Variants in KLF8 observed in about 807,000 individuals in gnomAD.
KLF8 encodes Krueppel-like factor 8.
In KLF8, 10 loss-of-function variants were observed where a neutral mutation model predicts 18.2. The ratio of observed to expected loss-of-function variants is 0.55; its 90% CI spans 0.34 to 0.93. The LOEUF is 0.93. Among genes scored for constraint, KLF8 ranks in the 40% least tolerant of loss-of-function variants. The pLI, the probability that KLF8 is intolerant of heterozygous loss-of-function variation, is 0.02. For synonymous variants in KLF8, 109 were observed against 97.3 expected, an observed-to-expected ratio of 1.12 and a Z score of -0.71; for missense variants, 264 against 277.9, an observed-to-expected ratio of 0.95 and a Z score of 0.36.
chrX:56,086,461 CA>C, the KLF8 span, among the ~76,000 whole-genome samples: 1 of 109,713 alleles, frequency 9.1e-6, no homozygotes, highest in Non-Finnish European at 1.9e-5. Flanking sequence ...CTCCTGAGTT[CA>C]AAAACAATAC....
At chrX:56,118,180 A>T in the KLF8 span, among the ~76,000 whole-genome samples, 1 of 111,754 alleles carries the variant, frequency 8.9e-6, no homozygotes, top group African/African-American at 3.2e-5. Flanking sequence ...TAATTGTATG[A>T]CCTTAGACAG....
chrX:56,178,765 G>C, the KLF8 span, among the ~76,000 whole-genome samples: 7 of 111,633 alleles, frequency 6.3e-5, no homozygotes, highest in Non-Finnish European at 1.3e-4. Context: ...TCTTGTTTTT[G>C]TCAGGTTTGT....
chrX:56,087,701 C>T, the KLF8 span, among the ~76,000 whole-genome samples: 1 of 111,900 alleles, frequency 8.9e-6, no homozygotes, highest in East Asian at 2.8e-4. Flanking sequence ...GATAATGGAG[C>T]TCTGTTCTTT....
the KLF8 span, among the ~76,000 whole-genome samples, chrX:56,049,678 A>G: frequency 2.8e-5 from 3 of 105,812 alleles, no homozygotes; most frequent in East Asian, 2.9e-4. Context: ...CCAGTATTTT[A>G]TTGAGGATTT....
At chrX:56,135,714 A>C in the KLF8 span, among the ~76,000 whole-genome samples, 1 of 111,621 alleles carries the variant, frequency 9.0e-6, no homozygotes, top group Non-Finnish European at 1.9e-5. Flanking sequence ...AATAAAATAA[A>C]ATAAAATAAC....
chrX:56,171,501 C>A, the KLF8 span, among the ~76,000 whole-genome samples: 1 of 110,969 alleles, frequency 9.0e-6, no homozygotes, highest in Admixed American at 9.6e-5. Flanking sequence ...TTGGGTATTT[C>A]TCCTAATGTT....
At chrX:55,990,296 G>T in the KLF8 span, among the ~76,000 whole-genome samples, 1 of 111,671 alleles carries the variant, frequency 9.0e-6, no homozygotes, top group African/African-American at 3.3e-5. Flanking sequence ...TGATGTTAGG[G>T]TGTCAATTTT....
At chrX:56,198,858 A>T in the KLF8 span, among the ~76,000 whole-genome samples, 110 of 112,098 alleles carry the variant, frequency 9.8e-4, no homozygotes, top group African/African-American at 3.5e-3. Context: ...GGCTACAGTA[A>T]CCAAAACAGC....
chrX:56,021,434 T>A, the KLF8 span, among the ~76,000 whole-genome samples: 1 of 111,674 alleles, frequency 9.0e-6, no homozygotes, highest in African/African-American at 3.3e-5. Context: ...TGTATGAATT[T>A]TTTTGTAAGT....
chrX:55,922,446 C>T, the KLF8 span, among the ~76,000 whole-genome samples: 5 of 112,267 alleles, frequency 4.5e-5, no homozygotes, highest in South Asian at 3.7e-4. Context: ...GAACAACACA[C>T]GCTGGGACCT....
the KLF8 span, among the ~76,000 whole-genome samples, chrX:55,918,021 C>T: frequency 9.0e-6 from 1 of 111,715 alleles, no homozygotes; most frequent in Non-Finnish European, 1.9e-5. Context: ...TCTCAAATGT[C>T]GCAACTCTCT....
the KLF8 span, among the ~76,000 whole-genome samples, chrX:56,031,967 G>A: frequency 2.7e-5 from 3 of 111,240 alleles, no homozygotes; most frequent in Non-Finnish European, 5.7e-5. Context: ...AGAACAGAAG[G>A]AGAAGTTTCA....
the KLF8 span, among the ~76,000 whole-genome samples, chrX:56,209,380 G>A: frequency 3.6e-5 from 4 of 111,407 alleles, no homozygotes; most frequent in African/African-American, 1.3e-4. Context: ...GTAGTCAAGA[G>A]ATCCATGGGT....
At chrX:56,210,388 CT>C in the KLF8 span, among the ~76,000 whole-genome samples, 1 of 111,983 alleles carries the variant, frequency 8.9e-6, no homozygotes, top group Non-Finnish European at 1.9e-5. Context: ...AAGGTTTCCA[CT>C]GAAAAGTCTT....
the KLF8 span, among the ~76,000 whole-genome samples, chrX:56,168,580 T>A: frequency 9.0e-6 from 1 of 111,394 alleles, no homozygotes; most frequent in South Asian, 3.8e-4. Context: ...ACATGTGCCA[T>A]GTTGGTGTGC....
chrX:55,942,128 C>G, the KLF8 span, among the ~76,000 whole-genome samples: 1 of 111,323 alleles, frequency 9.0e-6, no homozygotes, highest in East Asian at 2.8e-4. Flanking sequence ...AAATGTCCAA[C>G]AATGATAGAC....
the KLF8 span, among the ~76,000 whole-genome samples, chrX:56,101,278 G>A: frequency 8.1e-5 from 9 of 111,576 alleles, no homozygotes; most frequent in African/African-American, 2.6e-4. Context: ...AGCTGCATCC[G>A]GTTGCTGTAA....
chrX:56,169,073 A>C, the KLF8 span, among the ~76,000 whole-genome samples: 1 of 111,449 alleles, frequency 9.0e-6, no homozygotes, highest in Non-Finnish European at 1.9e-5. Flanking sequence ...TCTGGATGAC[A>C]TTTGTAGCCG....
the KLF8 span, among the ~76,000 whole-genome samples, chrX:56,010,086 A>G: frequency 7.1e-5 from 8 of 112,043 alleles, no homozygotes; most frequent in Non-Finnish European, 1.3e-4. Context: ...ACAGGCCAAC[A>G]TTCAAATTCA....
Sources: gnomAD v4.1 joint callset for allele counts (sites outside exome capture counted in the v4.1 genomes callset) on GRCh38, gnomAD v4.1.1 for gene constraint, MANE v1.5 for transcripts, NCBI Gene and HGNC (gene_info 2026-07-23, HGNC 2026-07-21) for gene names.